The following ACOXL variants were observed in gnomAD, a reference collection of about 807,000 sequenced individuals.
ACOXL encodes acyl-coenzyme A oxidase-like protein.
ACOXL carries 70 observed loss-of-function variants against 71.9 expected under a neutral mutation model. That is an observed-to-expected ratio of 0.97 (90% CI 0.80 to 1.19). The LOEUF (loss-of-function observed/expected upper bound fraction) is 1.19, where lower values mean the gene tolerates loss of function less well. ACOXL is among the 50% of genes most tolerant of loss of function. The pLI is 0.00. For synonymous variants in ACOXL, 253 were observed against 281.6 expected (o/e 0.90, Z 1.02); for missense variants, 703 against 736.3 (o/e 0.95, Z 0.52).
At chr2:110,851,093 G>A (rs574847478) in intron 10 of ACOXL, among the ~76,000 whole-genome samples, 2 of 152,290 alleles carry the variant, frequency 1.3e-5, no homozygotes, top group Non-Finnish European at 2.9e-5. Flanking sequence ...AAGCAGACCC[G>A]TACTCACCAG....
At chr2:110,909,000 A>G in intron 11 of ACOXL, 95 bp downstream of exon 11, 1 of 928,818 alleles carries the variant, frequency 1.1e-6, no homozygotes, top group Non-Finnish European at 1.6e-6. Flanking sequence ...GTCATTTTCT[A>G]ACTGTGATCA....
chr2:110,898,138 A>T (rs1232603608), intron 10 of ACOXL, among the ~76,000 whole-genome samples: 1 of 152,020 alleles, frequency 6.6e-6, no homozygotes, highest in African/African-American at 2.4e-5. Context: ...AGATGTTTTC[A>T]CTGGAAAATC....
At chr2:111,102,505 G>T (rs2069234532) in intron 17 of ACOXL, among the ~76,000 whole-genome samples, 1 of 152,176 alleles carries the variant, frequency 6.6e-6, no homozygotes, top group Non-Finnish European at 1.5e-5. Context: ...CATTGTCCTG[G>T]TCTCCTTGGG....
chr2:110,784,110 C>T (rs1303677391), intron 2 of ACOXL, among the ~76,000 whole-genome samples: 1 of 152,142 alleles, frequency 6.6e-6, no homozygotes, highest in Non-Finnish European at 1.5e-5. Flanking sequence ...ACTTCCCAAT[C>T]CTCCACCCTC....
intron 11 of ACOXL, among the ~76,000 whole-genome samples, chr2:110,929,714 G>T (rs1352638582): frequency 1.3e-5 from 2 of 152,344 alleles, no homozygotes; most frequent in African/African-American, 4.8e-5. Context: ...GGGTCTTCCT[G>T]CTGTGTGCAG....
chr2:110,879,052 G>A (rs1394527340), intron 10 of ACOXL, among the ~76,000 whole-genome samples: 27 of 127,802 alleles, frequency 2.1e-4, no homozygotes, highest in Admixed American at 4.0e-4. Context: ...GCGAGGCTCC[G>A]TTAAAAAAAA....
chr2:110,789,928 A>T (rs931375016), intron 3 of ACOXL, among the ~76,000 whole-genome samples: 1 of 152,226 alleles, frequency 6.6e-6, no homozygotes. Context: ...CATGGGACAG[A>T]CCTCACGGGT....
intron 7 of ACOXL, among the ~76,000 whole-genome samples, chr2:110,800,355 A>G (rs1685820310): frequency 6.6e-6 from 1 of 152,202 alleles, no homozygotes; most frequent in Non-Finnish European, 1.5e-5. Context: ...CCCTGTGTTC[A>G]TGCCTGTCTC....
chr2:111,056,437 T>G (rs2066541808), intron 16 of ACOXL, among the ~76,000 whole-genome samples: 1 of 152,064 alleles, frequency 6.6e-6, no homozygotes, highest in Non-Finnish European at 1.5e-5. Context: ...CCTAATGAGC[T>G]TCAGTTTTGG....
intron 10 of ACOXL, among the ~76,000 whole-genome samples, chr2:110,859,529 G>A (rs561161687): frequency 6.6e-5 from 10 of 152,212 alleles, no homozygotes; most frequent in African/African-American, 1.2e-4. Flanking sequence ...CACACCTGGA[G>A]GAAGGAGAAG....
In ACOXL at chr2:110,756,924, A is replaced by C. The variant is rs143503351; in HGVS notation, c.-22-11444A>C. On this transcript the variant is annotated intron_variant, in intron 1 of 17. Coordinates refer to ENST00000439055, the MANE Select transcript of ACOXL (RefSeq NM_001142807.4). ...CAGCTTTTTTTAAATTCAGGGGTAC[A>C]TGTGCAGGATGTGCACATTTGTTAC... Among the ~76,000 whole-genome samples, 27 of 152,204 alleles carry C rather than the reference A, an allele frequency of 1.8e-4. No homozygotes were observed. The East Asian group carries it at 5.0e-3, about 28-fold the overall frequency.
At chr2:110,872,209 G>A (rs570454321) in intron 10 of ACOXL, among the ~76,000 whole-genome samples, 1 of 152,280 alleles carries the variant, frequency 6.6e-6, no homozygotes, top group East Asian at 1.9e-4. Flanking sequence ...CATGGAAGCT[G>A]CCAGACACCC....
intron 10 of ACOXL, among the ~76,000 whole-genome samples, chr2:110,897,379 C>A (rs2059055722): frequency 6.6e-6 from 1 of 152,090 alleles, no homozygotes; most frequent in African/African-American, 2.4e-5. Flanking sequence ...AAATTTATTT[C>A]TTATAGTTCT....
intron 9 of ACOXL, among the ~76,000 whole-genome samples, chr2:110,830,774 C>T (rs1194490330): frequency 6.6e-6 from 1 of 152,040 alleles, no homozygotes; most frequent in Non-Finnish European, 1.5e-5. Context: ...ACCTTGTGAT[C>T]CCCCCACCTC....
chr2:110,775,236 G>GTT (rs1682491109), intron 2 of ACOXL, among the ~76,000 whole-genome samples: 1 of 151,974 alleles, frequency 6.6e-6, no homozygotes, highest in Non-Finnish European at 1.5e-5. Flanking sequence ...CATAAAGAAA[G>GTT]GGCTTCTTAA....
At chr2:110,809,993 G>T (rs1359493106) in intron 9 of ACOXL, among the ~76,000 whole-genome samples, 1 of 152,162 alleles carries the variant, frequency 6.6e-6, no homozygotes, top group Non-Finnish European at 1.5e-5. Flanking sequence ...CCTCACCAGG[G>T]TGTCTGGCTC....
chr2:110,916,783 T>A (rs1195564016), intron 11 of ACOXL, among the ~76,000 whole-genome samples: 1 of 152,142 alleles, frequency 6.6e-6, no homozygotes, highest in African/African-American at 2.4e-5. Flanking sequence ...TAAACACCTC[T>A]ACACAATTAA....
rs371974235 is a variant in ACOXL, at chr2:111,031,742, A to C, written c.1369+28A>C. 3.1e-6 allele frequency: 5 copies of C among 1,608,816 alleles called. No individual in the cohort carries two copies. The African/African-American group carries it at 5.4e-5, about 17-fold the overall frequency. On this transcript the variant is annotated intron_variant, in intron 15 of 17. Coordinates refer to ENST00000439055, the MANE Select transcript of ACOXL (RefSeq NM_001142807.4). Reference sequence around the variant, plus strand: ...CAGTTGGCTCCTGTTGAATATTTGTAATTGAGTGACTCAGGGGTCTACGGG... The same window carrying C: ...CAGTTGGCTCCTGTTGAATATTTGTCATTGAGTGACTCAGGGGTCTACGGG...
At chr2:110,777,538 C>G (rs547378087) in intron 2 of ACOXL, among the ~76,000 whole-genome samples, 16 of 152,172 alleles carry the variant, frequency 1.1e-4, no homozygotes, top group African/African-American at 3.9e-4. Context: ...TGGTGCAACT[C>G]CACCCTGCAG....
Sources: gnomAD v4.1 joint callset for allele counts (sites outside exome capture counted in the v4.1 genomes callset) on GRCh38, gnomAD v4.1.1 for gene constraint, MANE v1.5 for transcripts, NCBI Gene and HGNC (gene_info 2026-07-23, HGNC 2026-07-21) for gene names.